MED20: variants seen among roughly 807,000 people sequenced by gnomAD.
The protein encoded by MED20 is mediator complex subunit 20, also known as mediator of RNA polymerase II transcription subunit 20.
A neutral mutation model predicts 19.7 loss-of-function variants in MED20; 19 were observed. The ratio of observed to expected loss-of-function variants is 0.96; its 90% confidence interval spans 0.67 to 1.42. The LOEUF (loss-of-function observed/expected upper bound fraction) is 1.42. MED20 is among the 40% of genes most tolerant of loss of function. The pLI is 0.00. For synonymous variants in MED20, 105 were observed against 104.8 expected, an observed-to-expected ratio of 1.00 and a Z score of -0.01; for missense variants, 225 against 273.0, an observed-to-expected ratio of 0.82 and a Z score of 1.24.
At position 41,907,113 on chromosome 6, in the gene MED20, T is replaced by C. The variant is rs750006236; in HGVS notation, c.598A>G (p.Ile200Val). The C allele has an allele frequency of 6.2e-7, 1 of 1,613,990 alleles. No individual in the cohort carries two copies. Among genetic ancestry groups the C allele is most frequent in the Non-Finnish European group, 8.5e-7 (1 of 1,180,002 alleles). The change falls in exon 4 of 4, where the codon ATC becomes GTC. Residue 200 changes from isoleucine (I) to valine (V), a missense_variant. Transcript: ENST00000265350. ...MVQYMELFNKIRKQQQVPVAG... is the reference protein window; with the variant it reads ...MVQYMELFNKVRKQQQVPVAG... ...ACCGGCACCTGCTGCTGCTTGCGGA[T>C]CTTGTTGAAGAGTTCCATGTACTGG...
chr6:41,919,968 G>A (rs1439647899), intron 1 of MED20, among the ~76,000 whole-genome samples: 2 of 152,142 alleles, frequency 1.3e-5, no homozygotes, highest in Admixed American at 6.5e-5. Flanking sequence ...GCTTTTGTAT[G>A]AGAAGCCTAT....
At position 41,911,392 on chromosome 6, in the gene MED20, C is replaced by G. The variant is rs188913367; in HGVS notation, c.170-1870G>C. 3.9e-3 allele frequency among the ~76,000 whole-genome samples: 594 copies of G among 152,106 alleles called. 3 individuals carry two copies. The highest frequency in any genetic ancestry group is 0.014 in the African/African-American group (575 of 41,540). On this transcript the variant is annotated intron_variant, in intron 2 of 3. Coordinates refer to ENST00000265350, the MANE Select transcript of MED20 (RefSeq NM_004275.5). ...TCTTGAACTCCTGACCTCAGGTGAT[C>G]TGCCCGCCTCAGCCTCCGAAAGGGC...
At chr6:41,910,628 T>C (rs1256266497) in intron 2 of MED20, among the ~76,000 whole-genome samples, 4 of 132,268 alleles carry the variant, frequency 3.0e-5, no homozygotes, top group Non-Finnish European at 4.9e-5. Context: ...CAATACTCTA[T>C]CTCCAAAAAA....
chr6:41,912,934 C>T (rs1205634575), intron 2 of MED20: 1 of 151,932 alleles, frequency 6.6e-6, no homozygotes, highest in Non-Finnish European at 1.5e-5. Flanking sequence ...ATAGGGAGAC[C>T]TTGACTCTAC....
chr6:41,907,764 G>C (rs550322747), intron 3 of MED20, among the ~76,000 whole-genome samples: 2 of 152,234 alleles, frequency 1.3e-5, no homozygotes, highest in East Asian at 3.9e-4. Flanking sequence ...CTGACCCTAA[G>C]AAAGAATTTC....
In MED20 at chr6:41,905,433, A is replaced by AC. The variant is rs1775022300; in HGVS notation, c.*1638dup. ...AAAAACCAGAAACAAAATAACAAAA[A>AC]CGGGGTGAGAACAAAAAATACAGAT... is the stretch of plus-strand genomic sequence containing the variant. On this transcript the variant is annotated 3_prime_UTR_variant, in exon 4 of 4. Coordinates refer to ENST00000265350, the MANE Select transcript of MED20 (RefSeq NM_004275.5). 1 of 152,210 alleles carries AC rather than the reference A, an allele frequency of 6.6e-6. No individual in the cohort carries two copies. The highest frequency in any genetic ancestry group is 2.4e-5 in the African/African-American group (1 of 41,454). 9.4% of individuals were successfully genotyped at this position (152,210 alleles called of 1,614,324 possible). A position where few individuals can be genotyped will look rare whatever the true frequency, so the allele number is the denominator to read the frequency against.
rs186348338 is a variant in MED20, at chr6:41,918,083, T to C, written c.15-1144A>G. On this transcript the variant is annotated intron_variant, in intron 1 of 3. Transcript: ENST00000265350. The stretch of plus-strand genomic sequence containing the variant: ...GAACCTCTTATGGTGGCTTCCACTT[T>C]AGGAGTGGTAGGTAACCAACTGCCA... Among the ~76,000 whole-genome samples the C allele has an allele frequency of 2.9e-3, 449 of 152,326 alleles. 4 individuals carry two copies. Among genetic ancestry groups the C allele is most frequent in the African/African-American group, 0.01 (425 of 41,572 alleles).
chr6:41,917,948 G>A, intron 1 of MED20: 1 of 303,614 alleles, frequency 3.3e-6, no homozygotes, highest in African/African-American at 2.2e-5. Flanking sequence ...CAGTCTTCAA[G>A]TTTATAATCT....
At position 41,907,030 on chromosome 6, in the gene MED20, G is replaced by T; in HGVS notation, c.*42C>A. ...AAAGTCAGCACCTGCTCCTCCTGTG[G>T]AGTACCCCTGGTGACAGAGCTCAGC... On this transcript the variant is annotated 3_prime_UTR_variant, in exon 4 of 4. Coordinates refer to ENST00000265350, the MANE Select transcript of MED20 (RefSeq NM_004275.5). The T allele has an allele frequency of 6.3e-7, 1 of 1,588,578 alleles. No homozygotes were observed. Among genetic ancestry groups the T allele is most frequent in the Non-Finnish European group, 8.6e-7 (1 of 1,159,866 alleles).
In MED20 at chr6:41,905,766, A is replaced by G. The variant is rs1775030509; in HGVS notation, c.*1306T>C. ...AGTTTGGAGGCTCAAATGAAACAGG[A>G]GAAAGAGCTCAGGAACCATGAAGCA... is the stretch of plus-strand genomic sequence containing the variant. On this transcript the variant is annotated 3_prime_UTR_variant, in exon 4 of 4. Transcript: ENST00000265350. 1 of 152,242 alleles carries G rather than the reference A, an allele frequency of 6.6e-6. No individual in the cohort carries two copies. The highest frequency in any genetic ancestry group is 6.5e-5 in the Admixed American group (1 of 15,272). 9.4% of individuals were successfully genotyped at this position (152,242 alleles called of 1,614,324 possible). A position where few individuals can be genotyped will look rare whatever the true frequency, so the allele number is the denominator to read the frequency against.
intron 2 of MED20, among the ~76,000 whole-genome samples, chr6:41,916,425 C>A (rs904034146): frequency 3.4e-4 from 52 of 151,908 alleles, no homozygotes; most frequent in Admixed American, 3.0e-3. Context: ...ACCAAAAATA[C>A]AAAATTAGCC....
intron 2 of MED20, chr6:41,912,946 A>C (rs547276312): frequency 6.6e-6 from 1 of 152,052 alleles, no homozygotes; most frequent in South Asian, 2.1e-4. Context: ...TGACTCTACA[A>C]AAAAAATCAA....
At chr6:41,911,187 G>A (rs1460552244) in intron 2 of MED20, among the ~76,000 whole-genome samples, 9 of 147,808 alleles carry the variant, frequency 6.1e-5, no homozygotes, top group Non-Finnish European at 1.2e-4. Context: ...GTCTCACTCT[G>A]TCGCCCAGGC....
At chr6:41,919,304 C>T (rs1318515033) in intron 1 of MED20, among the ~76,000 whole-genome samples, 2 of 151,992 alleles carry the variant, frequency 1.3e-5, no homozygotes, top group East Asian at 3.8e-4. Context: ...GGATGTAGTG[C>T]CTGTTAAAAC....
intron 2 of MED20, among the ~76,000 whole-genome samples, chr6:41,916,176 G>A (rs947864704): frequency 3.3e-5 from 5 of 151,278 alleles, no homozygotes; most frequent in Admixed American, 1.3e-4. Flanking sequence ...TGAGCCCAAG[G>A]GTCGAGGCTG....
chr6:41,917,552 G>A (rs776586799), intron 1 of MED20: 17 of 327,278 alleles, frequency 5.2e-5, no homozygotes, highest in Middle Eastern at 1.1e-3. Context: ...AAGGAATAGA[G>A]GACCACAGTC....
chr6:41,915,789 A>AACACACAC (rs34924867), intron 2 of MED20, among the ~76,000 whole-genome samples: 5 of 148,590 alleles, frequency 3.4e-5, no homozygotes, highest in Admixed American at 6.7e-5. Flanking sequence ...TCCGTCTCAA[A>AACACACAC]ACACACACAC....
At chr6:41,920,811 C>T (rs1775442877) in intron 1 of MED20, 194 bp downstream of exon 1, 1 of 573,264 alleles carries the variant, frequency 1.7e-6, no homozygotes, top group Non-Finnish European at 2.9e-6. Context: ...TTTGCTTTCC[C>T]GCCTTCCAAG....
At chr6:41,909,596 C>G (rs1775142185) in intron 2 of MED20, 74 bp from the exon 3 acceptor site, 5 of 1,569,228 alleles carry the variant, frequency 3.2e-6, no homozygotes, top group Non-Finnish European at 2.6e-6. Flanking sequence ...AAATGACTCC[C>G]CCCGGAATGA....
Sources: allele counts gnomAD v4.1 joint callset (sites outside exome capture counted in the v4.1 genomes callset), GRCh38; gene constraint gnomAD v4.1.1; transcripts MANE v1.5; gene names NCBI Gene and HGNC (gene_info 2026-07-23, HGNC 2026-07-21).